The following ARMH3 variants were observed in gnomAD, a reference collection of about 807,000 sequenced individuals.
ARMH3 encodes armadillo-like helical domain-containing protein 3.
In ARMH3, 60 loss-of-function variants were observed where a neutral mutation model predicts 99.1. The ratio of observed to expected loss-of-function variants is 0.61; its 90% confidence interval spans 0.49 to 0.75. The LOEUF (loss-of-function observed/expected upper bound fraction) is 0.75, where lower values mean the gene tolerates loss of function less well. ARMH3 is among the 30% of genes least tolerant of loss of function. ARMH3 has a pLI of 0.00. For missense variants in ARMH3, 679 were observed against 843.1 expected (o/e 0.81, Z 2.41); for synonymous variants, 285 against 292.8 (o/e 0.97, Z 0.27).
chr10:101,975,371 A>G (rs765359467), intron 19 of ARMH3, 71 bp from the exon 20 acceptor site: 21 of 1,236,944 alleles, frequency 1.7e-5, no homozygotes, highest in Non-Finnish European at 2.4e-5. Flanking sequence ...ATCCCTTCTT[A>G]GTGAGCCAGC....
At chr10:101,933,507 A>G (rs891989014) in intron 23 of ARMH3, among the ~76,000 whole-genome samples, 6 of 152,208 alleles carry the variant, frequency 3.9e-5, no homozygotes, top group Non-Finnish European at 7.3e-5. Context: ...GATTAACCAC[A>G]TGGGATTCAG....
chr10:101,925,389 T>C (rs1193064562), intron 23 of ARMH3, among the ~76,000 whole-genome samples: 1 of 152,228 alleles, frequency 6.6e-6, no homozygotes, highest in Admixed American at 6.5e-5. Flanking sequence ...AGTAAGAATA[T>C]GTCCAAAGGA....
chr10:101,972,012 A>G (rs1296403632), intron 20 of ARMH3, among the ~76,000 whole-genome samples: 1 of 152,230 alleles, frequency 6.6e-6, no homozygotes, highest in Non-Finnish European at 1.5e-5. Context: ...TAGCCTAAAT[A>G]TATTTTCATA....
At chr10:101,873,735 T>C (rs2067192735) in intron 24 of ARMH3, among the ~76,000 whole-genome samples, 1 of 152,210 alleles carries the variant, frequency 6.6e-6, no homozygotes, top group Non-Finnish European at 1.5e-5. Flanking sequence ...AATCACACAA[T>C]ATGTGGTCTT....
rs1172373317 is a variant in ARMH3 at position 101,864,108 on chromosome 10, A to C, written c.1861-14216T>G. Among the ~76,000 whole-genome samples, 178 of 146,802 alleles carry C rather than the reference A, an allele frequency of 1.2e-3. 1 individual carries two copies. Among genetic ancestry groups the C allele is most frequent in the Admixed American group, 9.9e-3 (143 of 14,492 alleles). The stretch of plus-strand genomic sequence containing the variant: ...ACACACACACACACACACACACACA[A>C]AAACCAGACAATTCTCAAAAGAAGA... On this transcript the variant is annotated intron_variant, in intron 24 of 25. Coordinates refer to ENST00000370033, the MANE Select transcript of ARMH3 (RefSeq NM_024541.3).
chr10:102,013,866 G>T, intron 9 of ARMH3, 102 bp downstream of exon 9: 1 of 971,406 alleles, frequency 1.0e-6, no homozygotes, highest in Non-Finnish European at 1.5e-6. Context: ...GGATGAAATT[G>T]ACAGAATAGC....
At chr10:101,898,583 T>C (rs1193178426) in intron 23 of ARMH3, among the ~76,000 whole-genome samples, 1 of 152,226 alleles carries the variant, frequency 6.6e-6, no homozygotes, top group Non-Finnish European at 1.5e-5. Flanking sequence ...AGCTGCTATG[T>C]ACATCTTTCA....
In ARMH3 at chr10:101,975,268, C is replaced by T. The variant is rs1845944205; in HGVS notation, c.1439G>A (p.Cys480Tyr). The change falls in exon 20 of 26, where the codon TGC becomes TAC. Residue 480 changes from cysteine to tyrosine, a missense_variant. Physicochemically the swap from Cys to Tyr is radical, Grantham distance 194. This residue lies in a region of ARMH3 where 389 missense variants were observed against 456.5 expected (regional missense o/e 0.85). Coordinates refer to ENST00000370033, the MANE Select transcript of ARMH3 (RefSeq NM_024541.3). ...GCGTACCCGACACTTCTTCTGGTAG[C>T]AGAGCAGTTTGTGTACTACCTGGAT... Reference protein sequence around the residue: ...RCIQVVHKLLCYQKKCRVRLH... With the variant: ...RCIQVVHKLLYYQKKCRVRLH... The T allele has an allele frequency of 1.2e-6, 2 of 1,612,602 alleles. No homozygotes were observed. Among genetic ancestry groups the T allele is most frequent in the Non-Finnish European group, 1.7e-6 (2 of 1,179,058 alleles).
chr10:101,861,606 T>C (rs2066870191), intron 24 of ARMH3, among the ~76,000 whole-genome samples: 1 of 151,664 alleles, frequency 6.6e-6, no homozygotes. Flanking sequence ...GGCACATGCC[T>C]GTAATCCTAG....
At position 102,023,534 on chromosome 10, in the gene ARMH3, C is replaced by A. The variant is rs2066934832; in HGVS notation, c.612G>T (p.Glu204Asp). 1 of 1,614,008 alleles carries A rather than the reference C, an allele frequency of 6.2e-7. No homozygotes were observed. Among genetic ancestry groups the A allele is most frequent in the African/African-American group, 1.3e-5 (1 of 74,924 alleles). Residue 204 changes from glutamate to aspartate, a missense_variant, in exon 8 of 26, where the codon GAG (glutamate) becomes GAT (aspartate). By Grantham distance (45) the Glu-to-Asp change is conservative. Coordinates refer to ENST00000370033, the MANE Select transcript of ARMH3 (RefSeq NM_024541.3). ...QILSHPPSRREHGYDAVVLLA... is the reference protein window; with the variant it reads ...QILSHPPSRRDHGYDAVVLLA... ...AGAGGACGACAGCATCATACCCATG[C>A]TCCCTACGACTTGGGGGATGGGAAA...
chr10:101,896,758 G>A (rs2135478072), intron 23 of ARMH3, among the ~76,000 whole-genome samples: 1 of 152,306 alleles, frequency 6.6e-6, no homozygotes, highest in Non-Finnish European at 1.5e-5. Flanking sequence ...CTGGGCCATG[G>A]ACTATCCTAT....
chr10:101,957,555 G>A, intron 21 of ARMH3, 95 bp downstream of exon 21: 1 of 1,361,906 alleles, frequency 7.3e-7, no homozygotes, highest in Non-Finnish European at 9.9e-7. Context: ...TCCCTCTATG[G>A]CTTAGTCCCC....
chr10:101,919,418 G>C (rs1361149773), intron 23 of ARMH3, among the ~76,000 whole-genome samples: 1 of 151,976 alleles, frequency 6.6e-6, no homozygotes, highest in Non-Finnish European at 1.5e-5. Flanking sequence ...GGCTACATTC[G>C]AGACTAGATG....
chr10:101,967,539 C>A (rs1845589877), intron 20 of ARMH3, among the ~76,000 whole-genome samples: 1 of 152,188 alleles, frequency 6.6e-6, no homozygotes, highest in African/African-American at 2.4e-5. Context: ...GAGTTCAAGA[C>A]CAGCCCGGCC....
At chr10:102,035,456 C>T (rs1010950130) in intron 2 of ARMH3, among the ~76,000 whole-genome samples, 2 of 152,234 alleles carry the variant, frequency 1.3e-5, no homozygotes, top group Admixed American at 6.5e-5. Context: ...GATGCCGAGC[C>T]GAAGCTGGAC....
chr10:101,888,057 T>A (rs1328403324), intron 24 of ARMH3, among the ~76,000 whole-genome samples: 2 of 146,324 alleles, frequency 1.4e-5, no homozygotes, highest in African/African-American at 2.5e-5. Context: ...AGTAAATGTC[T>A]CCTTTTTTTT....
intron 15 of ARMH3, among the ~76,000 whole-genome samples, chr10:101,998,203 A>C (rs1247068994): frequency 1.3e-5 from 2 of 152,228 alleles, no homozygotes; most frequent in Non-Finnish European, 2.9e-5. Flanking sequence ...GGCAAAGCTA[A>C]AAGTTCATTT....
intron 13 of ARMH3, 51 bp downstream of exon 13, chr10:102,009,323 C>T (rs762159958): frequency 5.4e-6 from 8 of 1,493,800 alleles, no homozygotes; most frequent in South Asian, 4.6e-5. Flanking sequence ...TGGAATTAAT[C>T]GGTATGAAAT....
intron 23 of ARMH3, among the ~76,000 whole-genome samples, chr10:101,929,369 A>T (rs1843631513): frequency 6.6e-6 from 1 of 152,244 alleles, no homozygotes; most frequent in Non-Finnish European, 1.5e-5. Context: ...CATGTGAGAA[A>T]ATCTCCCACA....
Sources: gnomAD v4.1 joint callset for allele counts (sites outside exome capture counted in the v4.1 genomes callset) on GRCh38, gnomAD v4.1.1 for gene constraint, gnomAD v4.1.1 regional missense constraint, MANE v1.5 for transcripts, NCBI Gene and HGNC (gene_info 2026-07-23, HGNC 2026-07-21) for gene names.